ANK3: variants seen among roughly 807,000 people sequenced by gnomAD.
ANK3 encodes the protein ankyrin-3.
A neutral mutation model predicts 370.9 loss-of-function variants in ANK3; 57 were observed. That is an observed-to-expected ratio of 0.15 (90% CI 0.12 to 0.19). ANK3 has a LOEUF of 0.19. Among genes scored for constraint, ANK3 ranks in the 10% least tolerant of loss-of-function variants. The pLI is 1.00. For synonymous variants in ANK3, 1,929 were observed against 1,946.3 expected (o/e 0.99, Z 0.23); for missense variants, 4,439 against 5,302.1 (o/e 0.84, Z 5.06).
At chr10:60,657,565 A>C (rs1174284691) in intron 1 of ANK3, among the ~76,000 whole-genome samples, 1 of 152,062 alleles carries the variant, frequency 6.6e-6, no homozygotes, top group African/African-American at 2.4e-5. Context: ...GTTTTATTTT[A>C]TTGTGGCCAG....
chr10:60,592,242 T>C (rs1404720071), intron 2 of ANK3, among the ~76,000 whole-genome samples: 1 of 152,040 alleles, frequency 6.6e-6, no homozygotes, highest in Non-Finnish European at 1.5e-5. Context: ...AATTTAAACA[T>C]TTAAGAAAAA....
intron 23 of ANK3, among the ~76,000 whole-genome samples, chr10:60,163,377 C>T (rs1388590553): frequency 6.6e-6 from 1 of 152,192 alleles, no homozygotes; most frequent in African/African-American, 2.4e-5. Flanking sequence ...GCTTAAAACC[C>T]TGCCTTGGAC....
Position 60,070,774 on chromosome 10 carries a change from A to G in ANK3, c.10107T>C (p.Asn3369=), listed in dbSNP as rs2082529344. ...GTGAATCAAGGCCAAGGCCAAATTCATTATCTTTTCCAGATCCATTACTTT... is the reference window on the plus strand; with the variant it reads ...GTGAATCAAGGCCAAGGCCAAATTCGTTATCTTTTCCAGATCCATTACTTT... The part of the protein sequence containing the change: ...ELESNGSGKD[N]EFGLGLDSPQ... Residue 3369 remains asparagine (N), a synonymous_variant, in exon 37 of 44, where the codon AAT becomes AAC. Transcript: ENST00000280772. This position sits in a 1 kb window ranked among gnomAD's most constrained non-coding sequence, Gnocchi z 5.7. The G allele has an allele frequency of 9.3e-6, 15 of 1,614,196 alleles. No individual in the cohort carries two copies. The highest frequency in any genetic ancestry group is 3.3e-5 in the South Asian group (3 of 91,088).
chr10:60,300,442 T>C, intron 1 of ANK3: 1 of 1,287,934 alleles, frequency 7.8e-7, no homozygotes, highest in Non-Finnish European at 1.0e-6. Context: ...CCTTCGGAAA[T>C]GTAAAGGTTT....
chr10:60,606,458 G>A (rs1038230054), intron 2 of ANK3, among the ~76,000 whole-genome samples: 3 of 151,958 alleles, frequency 2.0e-5, no homozygotes, highest in Non-Finnish European at 2.9e-5. Flanking sequence ...CATTTTAAAA[G>A]TATGGCTTGT....
At chr10:60,732,365 T>G (rs1786940057) in intron 1 of ANK3, among the ~76,000 whole-genome samples, 2 of 152,326 alleles carry the variant, frequency 1.3e-5, no homozygotes, top group African/African-American at 4.8e-5. Context: ...TGCCACATTA[T>G]ACACACCGTG....
intron 23 of ANK3, chr10:60,141,143 CA>C: frequency 4.5e-6 from 2 of 447,506 alleles, no homozygotes; most frequent in Non-Finnish European, 5.9e-6. Flanking sequence ...CAGTGATTCC[CA>C]TAACTCTCCA....
intron 8 of ANK3, among the ~76,000 whole-genome samples, chr10:60,218,418 A>G (rs1221201431): frequency 6.6e-6 from 1 of 151,996 alleles, no homozygotes; most frequent in Non-Finnish European, 1.5e-5. Flanking sequence ...AGTGGCTGGT[A>G]CTGGTTTTTC....
At chr10:60,157,306 G>A (rs1422206910) in intron 23 of ANK3, among the ~76,000 whole-genome samples, 1 of 149,594 alleles carries the variant, frequency 6.7e-6, no homozygotes, top group Admixed American at 6.7e-5. Flanking sequence ...CAAAGTGCTG[G>A]GACTACAGGC....
At position 60,061,112 on chromosome 10, in the gene ANK3, A is replaced by G. The variant is rs536449990; in HGVS notation, c.12596-1682T>C. On this transcript the variant is annotated intron_variant, in intron 40 of 43. Coordinates refer to ENST00000280772, the MANE Select transcript of ANK3 (RefSeq NM_020987.5). ...TACAAAATAAAAGTCTAATTTTTCC[A>G]TCAGTCCCAGGTAAATACCAACTTA... 1.3e-4 allele frequency among the ~76,000 whole-genome samples: 20 copies of G among 152,344 alleles called. No homozygotes were observed. In the East Asian group the frequency reaches 3.7e-3, roughly 28 times the overall value.
chr10:60,705,113 G>C (rs1480301795), intron 1 of ANK3, among the ~76,000 whole-genome samples: 1 of 152,148 alleles, frequency 6.6e-6, no homozygotes, highest in Non-Finnish European at 1.5e-5. Context: ...TCTAATGCTT[G>C]ATTATTCAAT....
In ANK3 at chr10:60,524,758, C is replaced by T. The variant is rs114008902; in HGVS notation, c.96+90428G>A. ...ATGTTTCATCATGCCTGGGGGGTGGCGGATACTGAGATTGGGGTCAAGTGA... is the reference window on the plus strand; with the variant it reads ...ATGTTTCATCATGCCTGGGGGGTGGTGGATACTGAGATTGGGGTCAAGTGA... On this transcript the variant is annotated intron_variant, in intron 2 of 43. Coordinates refer to the ANK3 transcript ENST00000373827. Among the ~76,000 whole-genome samples the T allele has an allele frequency of 8.5e-3, 1,290 of 152,060 alleles. 18 individuals are homozygous for T. Among genetic ancestry groups the T allele is most frequent in the African/African-American group, 0.018 (763 of 41,504 alleles).
At chr10:60,476,396 A>T (rs1009850522) in intron 2 of ANK3, among the ~76,000 whole-genome samples, 2 of 152,184 alleles carry the variant, frequency 1.3e-5, no homozygotes, top group African/African-American at 4.8e-5. Context: ...ACATTATAAC[A>T]TCCTTTTTTA....
chr10:60,359,351 T>C (rs1364419360), intron 1 of ANK3, among the ~76,000 whole-genome samples: 1 of 152,178 alleles, frequency 6.6e-6, no homozygotes, highest in Non-Finnish European at 1.5e-5. Flanking sequence ...GCCTCACACC[T>C]TGGTTGGAAG....
chr10:60,342,445 A>AAACTTAAG (rs929203488), intron 1 of ANK3, among the ~76,000 whole-genome samples: 13 of 152,138 alleles, frequency 8.5e-5, no homozygotes, highest in African/African-American at 2.9e-4. Flanking sequence ...ATTTGGAGGA[A>AAACTTAAG]AACTTAAGAG....
intron 2 of ANK3, among the ~76,000 whole-genome samples, chr10:60,523,672 T>C (rs549020136): frequency 1.3e-5 from 2 of 152,116 alleles, no homozygotes; most frequent in Non-Finnish European, 2.9e-5. Flanking sequence ...TCCAAGTCTT[T>C]GCTATTGTGA....
At position 60,026,914 on chromosome 10, in the gene ANK3, T is replaced by C. The variant is rs968078588; in HGVS notation, c.*2932A>G. 2 of 152,202 alleles carry C rather than the reference T, an allele frequency of 1.3e-5. No individual in the cohort carries two copies. Among genetic ancestry groups the C allele is most frequent in the South Asian group, 4.1e-4 (2 of 4,828 alleles). 9.4% of individuals were successfully genotyped at this position (152,202 alleles called of 1,614,324 possible). ...TCAATCAATGAAAAGCTTAAATACATATTTATAAGCTGGCAGGCCAAATAT... is the reference window on the plus strand; with the variant it reads ...TCAATCAATGAAAAGCTTAAATACACATTTATAAGCTGGCAGGCCAAATAT... On this transcript the variant is annotated 3_prime_UTR_variant, in exon 44 of 44. Coordinates refer to ENST00000280772, the MANE Select transcript of ANK3 (RefSeq NM_020987.5).
At chr10:60,139,124 C>G (rs1392078863) in intron 23 of ANK3, 37 bp from the exon 24 acceptor site, 1 of 1,600,782 alleles carries the variant, frequency 6.2e-7, no homozygotes, top group Admixed American at 1.7e-5. Context: ...TCAAAAGCTT[C>G]CCTTTTGAAA....
At chr10:60,259,749 C>A (rs1028744178) in intron 7 of ANK3, among the ~76,000 whole-genome samples, 1 of 152,188 alleles carries the variant, frequency 6.6e-6, no homozygotes, top group African/African-American at 2.4e-5. Context: ...ACCACCCTGA[C>A]ATAAATTTTC....
Sources: allele counts gnomAD v4.1 joint callset (sites outside exome capture counted in the v4.1 genomes callset), GRCh38; gene constraint gnomAD v4.1.1; non-coding constraint Gnocchi (gnomAD v3.1); transcripts MANE v1.5; gene names NCBI Gene and HGNC (gene_info 2026-07-23, HGNC 2026-07-21).